The following PARP1 variants were observed in gnomAD, a reference collection of about 807,000 sequenced individuals.
The protein encoded by PARP1 is poly(ADP-ribose) polymerase 1, also known as poly [ADP-ribose] polymerase 1.
Under a neutral mutation model 118.7 loss-of-function variants are expected in PARP1, and 44 were observed. That is an observed-to-expected ratio of 0.37 (90% CI 0.29 to 0.48). The LOEUF is 0.48. Among genes scored for constraint, PARP1 ranks in the 20% least tolerant of loss-of-function variants. The pLI is 0.99. For synonymous variants in PARP1, 492 were observed against 483.2 expected (o/e 1.02, Z -0.24); for missense variants, 1,100 against 1,272.4 (o/e 0.86, Z 2.06).
intron 14 of PARP1, among the ~76,000 whole-genome samples, chr1:226,373,040 A>G (rs999103018): frequency 9.2e-5 from 14 of 152,226 alleles, no homozygotes; most frequent in African/African-American, 3.1e-4. Flanking sequence ...ACTCCACTCT[A>G]CAACAGCACA....
chr1:226,401,619 G>C (rs527939096), intron 2 of PARP1, among the ~76,000 whole-genome samples: 2 of 152,280 alleles, frequency 1.3e-5, no homozygotes, highest in South Asian at 4.1e-4. Context: ...TCCTCGGTTT[G>C]GTTTGGTGTC....
At chr1:226,406,577 G>T (rs1342870826) in intron 1 of PARP1, among the ~76,000 whole-genome samples, 1 of 152,182 alleles carries the variant, frequency 6.6e-6, no homozygotes, top group Admixed American at 6.5e-5. Flanking sequence ...CCATCAGGTG[G>T]CATCCATCCT....
Position 226,392,320 on chromosome 1 carries a change from G to A in PARP1, c.287-6C>T, listed in dbSNP as rs1805405. 1.9e-6 allele frequency: 3 copies of A among 1,601,508 alleles called. No homozygotes were observed. In the South Asian group the frequency reaches 3.3e-5, roughly 18 times the overall value. On this transcript the variant is annotated splice_polypyrimidine_tract_variant and splice_region_variant and intron_variant, in intron 2 of 22. Coordinates refer to ENST00000366794, the MANE Select transcript of PARP1 (RefSeq NM_001618.4). ...AATTCCATCCTGGCCTTTGCCTGGA[G>A]AATCAAACAGACAGCAATGCTCATC...
intron 1 of PARP1, among the ~76,000 whole-genome samples, chr1:226,403,187 G>A (rs1052303443): frequency 8.5e-5 from 13 of 152,166 alleles, no homozygotes; most frequent in African/African-American, 2.4e-4. Flanking sequence ...CCCAGGCCTC[G>A]AGCACTGTCT....
Position 226,365,056 on chromosome 1 carries a change from G to A in PARP1, c.2604C>T (p.Asn868=). The A allele has an allele frequency of 6.2e-7, 1 of 1,614,230 alleles. No individual in the cohort carries two copies. Among genetic ancestry groups the A allele is most frequent in the Non-Finnish European group, 8.5e-7 (1 of 1,180,042 alleles). ...GACCCTGGGACAGGATCCCAGCAAA[G>A]TTGGTGGTCCTGGACCCGTGCCACA... ...RLLWHGSRTT[N]FAGILSQGLR... Residue 868 remains asparagine (N), a synonymous_variant, in exon 19 of 23, where the codon AAC becomes AAT. Transcript: ENST00000366794.
rs894502950 is a variant in PARP1, at chr1:226,379,250, A to G, written c.1637T>C (p.Leu546Pro). ...DSGLEHSAHV[L>P]EKGGKVFSAT... is the part of the protein sequence containing the mutation. ...ACTGAAGACCTTCCCACCTTTCTCCAGGACATGCGCAGAGTGTTCCAGTCC... is the reference window on the plus strand; with the variant it reads ...ACTGAAGACCTTCCCACCTTTCTCCGGGACATGCGCAGAGTGTTCCAGTCC... The change falls in exon 12 of 23, where the codon CTG becomes CCG. Residue 546 changes from leucine to proline, a missense_variant. Leu to Pro is a moderately conservative substitution (Grantham distance 98, BLOSUM62 -3). Coordinates refer to ENST00000366794, the MANE Select transcript of PARP1 (RefSeq NM_001618.4). The G allele has an allele frequency of 6.2e-7, 1 of 1,614,256 alleles. No individual in the cohort carries two copies. Among genetic ancestry groups the G allele is most frequent in the African/African-American group, 1.3e-5 (1 of 75,066 alleles).
intron 2 of PARP1, among the ~76,000 whole-genome samples, chr1:226,396,214 C>T (rs180728392): frequency 1.6e-3 from 238 of 151,990 alleles, no homozygotes; most frequent in Non-Finnish European, 3.0e-3. Context: ...GACGTGGTGG[C>T]GCACACCTGT....
At chr1:226,382,944 G>T (rs1336767109) in intron 8 of PARP1, 92 bp downstream of exon 8, 2 of 1,424,226 alleles carry the variant, frequency 1.4e-6, no homozygotes, top group African/African-American at 1.4e-5. Flanking sequence ...ACCCTTGACG[G>T]ATACTTTCTT....
Position 226,379,511 on chromosome 1 carries a change from C to T in PARP1, c.1612+62G>A, listed in dbSNP as rs964305476. ...TGCTGCGGGCATTTGGATGTGTGCT[C>T]CTAGTCAGCTGGGGGTTGGGGGGCG... is the stretch of plus-strand genomic sequence containing the variant. On this transcript the variant is annotated intron_variant, in intron 11 of 22. Coordinates refer to ENST00000366794, the MANE Select transcript of PARP1 (RefSeq NM_001618.4). 2.9e-6 allele frequency: 4 copies of T among 1,374,680 alleles called. No homozygotes were observed. The African/African-American group carries it at 4.3e-5, about 15-fold the overall frequency. 85.2% of individuals were successfully genotyped at this position (1,374,680 alleles called of 1,614,324 possible).
intron 12 of PARP1, among the ~76,000 whole-genome samples, chr1:226,378,654 T>A (rs1020702960): frequency 6.6e-6 from 1 of 151,846 alleles, no homozygotes; most frequent in African/African-American, 2.4e-5. Context: ...TTGAGACCAG[T>A]CTGGGCAACA....
intron 12 of PARP1, among the ~76,000 whole-genome samples, chr1:226,378,201 T>C (rs1173890668): frequency 1.3e-5 from 2 of 152,054 alleles, no homozygotes; most frequent in Non-Finnish European, 2.9e-5. Flanking sequence ...CAATCAACGT[T>C]AGAATTTAGT....
At chr1:226,396,765 C>CT (rs1041325652) in intron 2 of PARP1, among the ~76,000 whole-genome samples, 1 of 152,044 alleles carries the variant, frequency 6.6e-6, no homozygotes, top group African/African-American at 2.4e-5. Context: ...TGGCAAAACT[C>CT]TATCTCTACT....
intron 2 of PARP1, among the ~76,000 whole-genome samples, chr1:226,400,272 C>T (rs560231742): frequency 6.6e-6 from 1 of 152,146 alleles, no homozygotes; most frequent in Non-Finnish European, 1.5e-5. Context: ...GCACTCCAGC[C>T]TGGGCAACAG....
intron 14 of PARP1, among the ~76,000 whole-genome samples, chr1:226,372,583 G>A (rs141412755): frequency 1.3e-5 from 2 of 152,294 alleles, no homozygotes; most frequent in African/African-American, 4.8e-5. Flanking sequence ...GCTGAGGCAG[G>A]AGAATCGCTT....
intron 5 of PARP1, among the ~76,000 whole-genome samples, chr1:226,387,532 T>C (rs1326443694): frequency 1.3e-5 from 2 of 152,244 alleles, no homozygotes; most frequent in Non-Finnish European, 2.9e-5. Flanking sequence ...CGTCTGCACC[T>C]GTTTCCCAGC....
At chr1:226,397,860 C>T (rs1664954841) in intron 2 of PARP1, among the ~76,000 whole-genome samples, 1 of 150,920 alleles carries the variant, frequency 6.6e-6, no homozygotes, top group South Asian at 2.1e-4. Flanking sequence ...CAGAGCCACA[C>T]AAGCACAGTC....
chr1:226,362,102 A>AGTTC lies in PARP1; in HGVS notation c.2849-20_2849-19insGAAC. The AGTTC allele has an allele frequency of 1.4e-6, 2 of 1,402,986 alleles. No homozygotes were observed. The highest frequency in any genetic ancestry group is 2.0e-6 in the Non-Finnish European group (2 of 987,440). The allele number at this position is 1,402,986 out of a possible 1,614,324, so 86.9% of individuals were successfully genotyped here. A position where few individuals can be genotyped will look rare whatever the true frequency, so the allele number is the denominator to read the frequency against. On this transcript the variant is annotated intron_variant, in intron 21 of 22. Transcript: ENST00000366794. ...CCCAAACCTGAAAAACAGAAGTCAC[A>AGTTC]AGTGACATGAACTGTGAGTACAGAT... is the stretch of plus-strand genomic sequence containing the variant.
chr1:226,363,907 T>C (rs771240161), intron 20 of PARP1, 36 bp downstream of exon 20: 2 of 1,610,610 alleles, frequency 1.2e-6, no homozygotes, highest in Non-Finnish European at 1.7e-6. Context: ...CCTGTCCCCA[T>C]GAAATGCCAT....
chr1:226,386,819 G>A (rs917611576), intron 5 of PARP1, among the ~76,000 whole-genome samples: 1 of 152,162 alleles, frequency 6.6e-6, no homozygotes, highest in African/African-American at 2.4e-5. Flanking sequence ...GCAGGGTATG[G>A]CCATTCTCCA....
Sources: allele counts gnomAD v4.1 joint callset (sites outside exome capture counted in the v4.1 genomes callset), GRCh38; gene constraint gnomAD v4.1.1; transcripts MANE v1.5; gene names NCBI Gene and HGNC (gene_info 2026-07-23, HGNC 2026-07-21).